Variants in RBFOX1 observed in about 807,000 individuals in gnomAD.
RBFOX1 encodes RNA binding fox-1 homolog 1, also known as RNA binding protein fox-1 homolog 1.
In RBFOX1, 8 loss-of-function variants were observed where a neutral mutation model predicts 57.7. The ratio of observed to expected loss-of-function variants is 0.14; its 90% confidence interval spans 0.08 to 0.25. RBFOX1 has a LOEUF of 0.25. RBFOX1 is among the 10% of genes least tolerant of loss of function. The pLI is 1.00. For missense variants in RBFOX1, 611 were observed against 548.5 expected (o/e 1.11, Z -1.14); for synonymous variants, 326 against 222.4 (o/e 1.47, Z -4.15).
intron 4 of RBFOX1, among the ~76,000 whole-genome samples, chr16:7,094,764 GTGTGTGTGTGT>G (rs2061416715): frequency 7.1e-6 from 1 of 139,968 alleles, no homozygotes; most frequent in Admixed American, 7.2e-5. Context: ...GTGTGTGTGT[GTGTGTGTGTGT>G]GGGTGTGTGT....
At chr16:6,978,832 C>A (rs915999884) in intron 3 of RBFOX1, among the ~76,000 whole-genome samples, 17 of 152,162 alleles carry the variant, frequency 1.1e-4, no homozygotes, top group African/African-American at 4.1e-4. Flanking sequence ...TAACAAATGC[C>A]TTCAATCCCC....
chr16:6,352,715 A>G (rs1251967108), intron 2 of RBFOX1, among the ~76,000 whole-genome samples: 1 of 152,248 alleles, frequency 6.6e-6, no homozygotes, highest in Non-Finnish European at 1.5e-5. Context: ...GGCATTTATC[A>G]TATTGAAGCA....
At chr16:5,251,316 G>A (rs7199241) in intron 1 of RBFOX1, among the ~76,000 whole-genome samples, 75,384 of 152,210 alleles carry the variant, frequency 0.5, 18,812 homozygotes, top group East Asian at 0.59. Flanking sequence ...TCCTAGAGCT[G>A]CCATGAGGGT....
At chr16:6,229,197 T>A (rs1296243237) in intron 1 of RBFOX1, among the ~76,000 whole-genome samples, 1 of 152,052 alleles carries the variant, frequency 6.6e-6, no homozygotes, top group Non-Finnish European at 1.5e-5. Flanking sequence ...GTCTGAAAGG[T>A]CATTTGTAAA....
chr16:7,424,842 C>T (rs1453388335), intron 4 of RBFOX1, among the ~76,000 whole-genome samples: 1 of 151,954 alleles, frequency 6.6e-6, no homozygotes, highest in African/African-American at 2.4e-5. Context: ...TCTGGGTCTC[C>T]CTCTGGAAAT....
rs1266754879 is a variant in RBFOX1, at chr16:7,004,648, A to G, written c.-15-47409A>G. ...TTGAAAGCCTCAACATTGGTATTCC[A>G]TTGTCTGGGCATTTTTTCTATATAG... On this transcript the variant is annotated intron_variant, in intron 3 of 15. Coordinates refer to ENST00000550418, the MANE Select transcript of RBFOX1 (RefSeq NM_018723.4). Among the ~76,000 whole-genome samples the G allele has an allele frequency of 2.0e-5, 3 of 152,320 alleles. No individual in the cohort carries two copies. In the East Asian group the frequency reaches 5.8e-4, roughly 29 times the overall value.
chr16:7,513,025 A>G (rs947001362), intron 4 of RBFOX1, among the ~76,000 whole-genome samples: 1 of 152,152 alleles, frequency 6.6e-6, no homozygotes, highest in Non-Finnish European at 1.5e-5. Flanking sequence ...GCACTTTGGG[A>G]GGACAAGGCA....
At chr16:5,821,306 T>A (rs538972703) in intron 3 of RBFOX1, among the ~76,000 whole-genome samples, 22 of 148,104 alleles carry the variant, frequency 1.5e-4, no homozygotes, top group Middle Eastern at 3.4e-3. Flanking sequence ...ATTTTTTTTT[T>A]TTTTTTTGAG....
At chr16:6,924,933 C>A (rs368398330) in intron 3 of RBFOX1, among the ~76,000 whole-genome samples, 1 of 145,820 alleles carries the variant, frequency 6.9e-6, no homozygotes, top group Non-Finnish European at 1.5e-5. Flanking sequence ...TGAGAACATG[C>A]GGTGTTTGGT....
chr16:6,874,556 C>G (rs957228820), intron 3 of RBFOX1, among the ~76,000 whole-genome samples: 2 of 146,160 alleles, frequency 1.4e-5, no homozygotes, highest in Non-Finnish European at 3.0e-5. Flanking sequence ...ATGGCATTCG[C>G]AACAACCTGG....
At chr16:5,834,620 A>AGATG (rs1555541380) in intron 3 of RBFOX1, among the ~76,000 whole-genome samples, 1 of 151,282 alleles carries the variant, frequency 6.6e-6, no homozygotes, top group East Asian at 1.9e-4. Context: ...ATAGATAGAT[A>AGATG]GATTGACTGA....
chr16:6,621,771 G>C (rs1601781156), intron 2 of RBFOX1, among the ~76,000 whole-genome samples: 1 of 152,158 alleles, frequency 6.6e-6, no homozygotes, highest in Non-Finnish European at 1.5e-5. Context: ...AATCACTGCA[G>C]CTAGAAGGAC....
intron 4 of RBFOX1, among the ~76,000 whole-genome samples, chr16:5,935,325 A>T (rs779141833): frequency 6.6e-6 from 1 of 152,172 alleles, no homozygotes; most frequent in South Asian, 2.1e-4. Context: ...CCACATGGGG[A>T]CACACGAGGA....
intron 9 of RBFOX1, among the ~76,000 whole-genome samples, chr16:7,606,441 G>A (rs1477877338): frequency 6.6e-6 from 1 of 152,140 alleles, no homozygotes; most frequent in African/African-American, 2.4e-5. Flanking sequence ...CTTTTATGAA[G>A]ACTTAGCCAG....
intron 4 of RBFOX1, among the ~76,000 whole-genome samples, chr16:7,449,502 C>T (rs2098834439): frequency 6.6e-6 from 1 of 152,094 alleles, no homozygotes; most frequent in Non-Finnish European, 1.5e-5. Context: ...CATGCAGTAG[C>T]TCTGAGTCAT....
chr16:6,630,238 T>G (rs1454457153), intron 2 of RBFOX1, among the ~76,000 whole-genome samples: 4 of 152,144 alleles, frequency 2.6e-5, no homozygotes, highest in Non-Finnish European at 4.4e-5. Flanking sequence ...GGAAGATGCT[T>G]CTTCATCCTT....
intron 3 of RBFOX1, among the ~76,000 whole-genome samples, chr16:6,878,610 T>G (rs1235392572): frequency 1.3e-5 from 2 of 151,930 alleles, no homozygotes; most frequent in East Asian, 3.9e-4. Flanking sequence ...ATGTGAACAT[T>G]TTGTTTGTGT....
In RBFOX1 at chr16:5,981,633, C is replaced by T. The variant is rs547396519; in HGVS notation, c.351+114298C>T. Among the ~76,000 whole-genome samples, 3 of 152,034 alleles carry T rather than the reference C, an allele frequency of 2.0e-5. No homozygotes were observed. In the East Asian group the frequency reaches 5.8e-4, roughly 30 times the overall value. ...ATAGGTGCCCACTATCAGGCTGGGCCAATTTTTATATTTTTAGTAGAGATG... is the reference window on the plus strand; with the variant it reads ...ATAGGTGCCCACTATCAGGCTGGGCTAATTTTTATATTTTTAGTAGAGATG... On this transcript the variant is annotated intron_variant, in intron 4 of 19. Transcript: ENST00000641259.
At chr16:5,828,310 G>C (rs1001471587) in intron 3 of RBFOX1, among the ~76,000 whole-genome samples, 3 of 152,162 alleles carry the variant, frequency 2.0e-5, no homozygotes, top group African/African-American at 7.2e-5. Context: ...ACTGTGATAA[G>C]AGCTGCAAAG....
Sources: gnomAD v4.1 joint callset for allele counts (sites outside exome capture counted in the v4.1 genomes callset) on GRCh38, gnomAD v4.1.1 for gene constraint, MANE v1.5 for transcripts, NCBI Gene and HGNC (gene_info 2026-07-23, HGNC 2026-07-21) for gene names.